The following IL1RAPL1 variants were observed in gnomAD, a reference collection of about 807,000 sequenced individuals.
IL1RAPL1 encodes the protein interleukin-1 receptor accessory protein-like 1.
A neutral mutation model predicts 48.4 loss-of-function variants in IL1RAPL1; 3 were observed. That is an observed-to-expected ratio of 0.06 (90% CI 0.03 to 0.16). The LOEUF (loss-of-function observed/expected upper bound fraction) is 0.16, where lower values mean the gene tolerates loss of function less well. Among genes scored for constraint, IL1RAPL1 ranks in the 10% least tolerant of loss-of-function variants. IL1RAPL1 has a pLI of 1.00. For synonymous variants in IL1RAPL1, 185 were observed against 187.7 expected (o/e 0.99, Z 0.12); for missense variants, 349 against 530.6 (o/e 0.66, Z 3.36).
intron 5 of IL1RAPL1, among the ~76,000 whole-genome samples, chrX:29,544,820 C>G (rs1163089667): frequency 9.2e-6 from 1 of 108,831 alleles, no homozygotes; most frequent in Non-Finnish European, 1.9e-5. Context: ...AATATTGAAG[C>G]CCTACCCCCA....
At chrX:29,413,505 T>G (rs1236832470) in intron 5 of IL1RAPL1, among the ~76,000 whole-genome samples, 1 of 66,364 alleles carries the variant, frequency 1.5e-5, no homozygotes, top group Non-Finnish European at 2.8e-5. Flanking sequence ...CCCTCCCCCC[T>G]ACCCCCACCC....
At chrX:28,929,930 A>C (rs1223805175) in intron 2 of IL1RAPL1, among the ~76,000 whole-genome samples, 1 of 112,281 alleles carries the variant, frequency 8.9e-6, no homozygotes, top group Non-Finnish European at 1.9e-5. Context: ...ACCTGAATCT[A>C]TCCAGAGGGA....
chrX:28,875,437 C>T (rs747362500), intron 2 of IL1RAPL1, among the ~76,000 whole-genome samples: 9 of 112,270 alleles, frequency 8.0e-5, no homozygotes, highest in South Asian at 7.3e-4. Flanking sequence ...TGAACAGCCC[C>T]GAATATGAAT....
Position 29,395,778 on chromosome X carries a change from A to G in IL1RAPL1, c.363-480A>G, listed in dbSNP as rs190897102. The stretch of plus-strand genomic sequence containing the variant: ...CAACCAATAGTGTAACTTTTATCCA[A>G]GAATGTGTTCTGCCCAGACTCAGTA... On this transcript the variant is annotated intron_variant, in intron 3 of 10. Coordinates refer to ENST00000378993, the MANE Select transcript of IL1RAPL1 (RefSeq NM_014271.4). Among the ~76,000 whole-genome samples the G allele has an allele frequency of 5.0e-3, 554 of 111,875 alleles. 4 individuals carry two copies. The highest frequency in any genetic ancestry group is 8.3e-3 in the Non-Finnish European group (441 of 53,094).
At chrX:28,904,918 C>T (rs952946092) in intron 2 of IL1RAPL1, among the ~76,000 whole-genome samples, 3 of 111,561 alleles carry the variant, frequency 2.7e-5, no homozygotes, top group Non-Finnish European at 3.8e-5. Flanking sequence ...AATCATATAT[C>T]GTAACTTAGA....
At chrX:29,248,066 TC>T (rs1397708177) in intron 2 of IL1RAPL1, among the ~76,000 whole-genome samples, 1 of 111,358 alleles carries the variant, frequency 9.0e-6, no homozygotes, top group East Asian at 2.8e-4. Flanking sequence ...GTAATACAGT[TC>T]AAGGTGTTTC....
chrX:29,644,563 G>C (rs868478214), intron 5 of IL1RAPL1, among the ~76,000 whole-genome samples: 1 of 100,807 alleles, frequency 9.9e-6, no homozygotes, highest in Non-Finnish European at 2.1e-5. Flanking sequence ...TTTTTGTTTT[G>C]TTTTCTTTTG....
intron 1 of IL1RAPL1, among the ~76,000 whole-genome samples, chrX:28,692,824 G>A (rs902569485): frequency 4.5e-5 from 5 of 111,095 alleles, no homozygotes; most frequent in Non-Finnish European, 1.9e-5. Flanking sequence ...CACACACTGC[G>A]CCTGTTTCTA....
chrX:29,282,883 T>C, intron 2 of IL1RAPL1, 55 bp from the exon 3 acceptor site: 2 of 1,091,520 alleles, frequency 1.8e-6, no homozygotes, highest in Admixed American at 2.2e-5. Flanking sequence ...TAATTGCTTA[T>C]TTTTTTTGCC....
At chrX:28,818,084 T>G (rs781632984) in intron 2 of IL1RAPL1, among the ~76,000 whole-genome samples, 2 of 111,300 alleles carry the variant, frequency 1.8e-5, no homozygotes, top group African/African-American at 3.3e-5. Context: ...CAATACATCA[T>G]GATGCTAGAG....
intron 6 of IL1RAPL1, among the ~76,000 whole-genome samples, chrX:29,903,288 A>ATGTT (rs1256307073): frequency 5.4e-5 from 6 of 111,369 alleles, no homozygotes; most frequent in Non-Finnish European, 1.1e-4. Flanking sequence ...AAAGATAAAT[A>ATGTT]TGTTTTGTAA....
intron 3 of IL1RAPL1, among the ~76,000 whole-genome samples, chrX:29,298,748 C>A (rs747919912): frequency 2.1e-4 from 24 of 111,730 alleles, no homozygotes; most frequent in African/African-American, 7.8e-4. Context: ...ATTCCTAATT[C>A]AGAACAGCCA....
At chrX:28,631,426 T>C (rs1934399496) in intron 1 of IL1RAPL1, among the ~76,000 whole-genome samples, 1 of 111,283 alleles carries the variant, frequency 9.0e-6, no homozygotes, top group Non-Finnish European at 1.9e-5. Context: ...CAAAGAGCAA[T>C]AAAATAAAAT....
chrX:29,677,787 G>T (rs970645823), intron 6 of IL1RAPL1, among the ~76,000 whole-genome samples: 2 of 112,225 alleles, frequency 1.8e-5, no homozygotes, highest in Admixed American at 1.9e-4. Context: ...ACAGTATTTG[G>T]TTTTAATCTA....
At chrX:28,596,343 C>CTCCCTCCCTTCCTTCCT (rs1933955376) in intron 1 of IL1RAPL1, among the ~76,000 whole-genome samples, 1 of 110,250 alleles carries the variant, frequency 9.1e-6, no homozygotes, top group African/African-American at 3.3e-5. Context: ...GCCTGTCTCC[C>CTCCCTCCCTTCCTTCCT]TCCCTCCCTT....
At chrX:29,883,262 T>C (rs752564606) in intron 6 of IL1RAPL1, among the ~76,000 whole-genome samples, 133 of 110,671 alleles carry the variant, frequency 1.2e-3, no homozygotes, top group African/African-American at 4.0e-3. Flanking sequence ...GGGAAATCCA[T>C]TGACCACCGA....
chrX:29,123,672 A>G (rs1254003825), intron 2 of IL1RAPL1, among the ~76,000 whole-genome samples: 3 of 111,307 alleles, frequency 2.7e-5, no homozygotes, highest in Admixed American at 1.9e-4. Context: ...GTGTTTTAAA[A>G]GTGATAAACC....
At chrX:28,656,966 G>T (rs1326256480) in intron 1 of IL1RAPL1, among the ~76,000 whole-genome samples, 1 of 105,180 alleles carries the variant, frequency 9.5e-6, no homozygotes, top group East Asian at 3.0e-4. Flanking sequence ...GGCGGAGCTT[G>T]CAGTGAGCTG....
At chrX:28,596,335 C>A (rs1289516860) in intron 1 of IL1RAPL1, among the ~76,000 whole-genome samples, 1 of 110,585 alleles carries the variant, frequency 9.0e-6, no homozygotes, top group Non-Finnish European at 1.9e-5. Flanking sequence ...ACCTGCCTGC[C>A]TGTCTCCCTC....
Sources: gnomAD v4.1 joint callset for allele counts (sites outside exome capture counted in the v4.1 genomes callset) on GRCh38, gnomAD v4.1.1 for gene constraint, MANE v1.5 for transcripts, NCBI Gene and HGNC (gene_info 2026-07-23, HGNC 2026-07-21) for gene names.